GPC6: variants seen among roughly 807,000 people sequenced by gnomAD.
GPC6 encodes glypican 6, also known as glypican-6.
In GPC6, 14 loss-of-function variants were observed where a neutral mutation model predicts 55.2. The observed-to-expected ratio is 0.25, with a 90% CI of 0.17 to 0.40. The LOEUF (loss-of-function observed/expected upper bound fraction) is 0.40, where lower values mean the gene tolerates loss of function less well. Ranked by LOEUF, GPC6 falls within the 10% of genes least tolerant of loss-of-function variation. The pLI is 1.00. For missense variants in GPC6, 641 were observed against 708.5 expected (o/e 0.90, Z 1.08); for synonymous variants, 278 against 259.6 (o/e 1.07, Z -0.68).
intron 6 of GPC6, among the ~76,000 whole-genome samples, chr13:94,380,648 G>A (rs751295907): frequency 1.1e-4 from 16 of 152,078 alleles, no homozygotes; most frequent in Non-Finnish European, 1.6e-4. Context: ...ATCCTCTAGC[G>A]TGTGTCTCCC....
intron 1 of GPC6, among the ~76,000 whole-genome samples, chr13:93,340,932 A>G (rs1220000742): frequency 6.6e-6 from 1 of 151,784 alleles, no homozygotes; most frequent in Non-Finnish European, 1.5e-5. Flanking sequence ...TTATCTCTCA[A>G]CCCCCTTCCA....
chr13:94,247,204 A>T (rs1891222744), intron 4 of GPC6, among the ~76,000 whole-genome samples: 1 of 152,114 alleles, frequency 6.6e-6, no homozygotes, highest in Non-Finnish European at 1.5e-5. Context: ...TTTAAATCTT[A>T]CAACTTGACT....
At chr13:93,323,282 A>G (rs777727600) in intron 1 of GPC6, among the ~76,000 whole-genome samples, 22 of 152,210 alleles carry the variant, frequency 1.4e-4, no homozygotes, top group Non-Finnish European at 2.6e-4. Context: ...CATTGATGAC[A>G]CATTATATGT....
At chr13:93,620,401 T>A (rs1430597334) in intron 2 of GPC6, among the ~76,000 whole-genome samples, 1 of 152,184 alleles carries the variant, frequency 6.6e-6, no homozygotes, top group African/African-American at 2.4e-5. Context: ...TTTACTATGT[T>A]AGTTATATTG....
At chr13:93,406,311 AC>A (rs1876288788) in intron 1 of GPC6, among the ~76,000 whole-genome samples, 1 of 152,134 alleles carries the variant, frequency 6.6e-6, no homozygotes, top group African/African-American at 2.4e-5. Flanking sequence ...CCAGGCAGCC[AC>A]CACAAATCAG....
At chr13:93,942,764 G>A (rs779891759) in intron 3 of GPC6, among the ~76,000 whole-genome samples, 1 of 151,904 alleles carries the variant, frequency 6.6e-6, no homozygotes, top group Non-Finnish European at 1.5e-5. Flanking sequence ...AGCTCTTTAG[G>A]GATCTACATA....
intron 4 of GPC6, among the ~76,000 whole-genome samples, chr13:94,160,163 G>A (rs1040350049): frequency 6.6e-6 from 1 of 152,092 alleles, no homozygotes; most frequent in African/African-American, 2.4e-5. Context: ...GAAGTATATT[G>A]TTATAATTGT....
intron 4 of GPC6, among the ~76,000 whole-genome samples, chr13:94,035,477 G>A (rs930208310): frequency 2.6e-5 from 4 of 151,984 alleles, no homozygotes; most frequent in East Asian, 1.9e-4. Flanking sequence ...TAACTGGATC[G>A]TTAAAGAAAA....
At chr13:93,286,424 C>T in intron 1 of GPC6, among the ~76,000 whole-genome samples, 1 of 152,076 alleles carries the variant, frequency 6.6e-6, no homozygotes, top group East Asian at 1.9e-4. Context: ...AGAAGCAGTC[C>T]CAATGTAATT....
chr13:93,898,282 C>T (rs762551535), intron 3 of GPC6, among the ~76,000 whole-genome samples: 18 of 152,216 alleles, frequency 1.2e-4, no homozygotes, highest in Admixed American at 5.2e-4. Context: ...GCAATAAATA[C>T]GGCATTGAGG....
At chr13:93,310,402 C>G (rs1395284116) in intron 1 of GPC6, among the ~76,000 whole-genome samples, 1 of 152,176 alleles carries the variant, frequency 6.6e-6, no homozygotes, top group Non-Finnish European at 1.5e-5. Flanking sequence ...TCTGCCAGGT[C>G]CATCTCCGTG....
At chr13:93,965,601 C>T (rs1364248253) in intron 3 of GPC6, among the ~76,000 whole-genome samples, 1 of 152,048 alleles carries the variant, frequency 6.6e-6, no homozygotes, top group African/African-American at 2.4e-5. Flanking sequence ...CTGTCTCACC[C>T]TCTTAAAACT....
intron 6 of GPC6, among the ~76,000 whole-genome samples, chr13:94,317,429 G>C (rs139922466): frequency 6.6e-6 from 1 of 152,248 alleles, no homozygotes; most frequent in Non-Finnish European, 1.5e-5. Context: ...GCGTCCAGAA[G>C]AGCTCTGAGA....
chr13:94,300,363 T>A (rs999298650), intron 5 of GPC6, among the ~76,000 whole-genome samples: 1 of 152,230 alleles, frequency 6.6e-6, no homozygotes, highest in Non-Finnish European at 1.5e-5. Flanking sequence ...TAAGATGCCC[T>A]AATATTTTTA....
intron 1 of GPC6, among the ~76,000 whole-genome samples, chr13:93,511,784 G>T (rs1880988205): frequency 6.6e-6 from 1 of 152,006 alleles, no homozygotes; most frequent in African/African-American, 2.4e-5. Flanking sequence ...TAATGATATT[G>T]ATTCTTCCCA....
At chr13:93,560,672 T>G (rs577463320) in intron 2 of GPC6, among the ~76,000 whole-genome samples, 2 of 150,920 alleles carry the variant, frequency 1.3e-5, no homozygotes, top group African/African-American at 2.4e-5. Context: ...TGGCTAACAC[T>G]GTGAAACCGC....
intron 4 of GPC6, among the ~76,000 whole-genome samples, chr13:94,263,322 ATTTG>A (rs1175401723): frequency 2.0e-5 from 3 of 152,192 alleles, no homozygotes; most frequent in African/African-American, 4.8e-5. Context: ...AGTACTGTAC[ATTTG>A]TTTAACACCT....
chr13:93,724,829 T>C (rs1883576048), intron 2 of GPC6, among the ~76,000 whole-genome samples: 1 of 152,054 alleles, frequency 6.6e-6, no homozygotes, highest in African/African-American at 2.4e-5. Flanking sequence ...CTTGATTTCA[T>C]AGCAGTATGA....
intron 4 of GPC6, among the ~76,000 whole-genome samples, chr13:94,106,498 C>T (rs1886059492): frequency 6.6e-6 from 1 of 151,408 alleles, no homozygotes; most frequent in Non-Finnish European, 1.5e-5. Flanking sequence ...ACCCTGTTTC[C>T]ATATTAAGAA....
Sources: allele counts gnomAD v4.1 joint callset (sites outside exome capture counted in the v4.1 genomes callset), GRCh38; gene constraint gnomAD v4.1.1; transcripts MANE v1.5; gene names NCBI Gene and HGNC (gene_info 2026-07-23, HGNC 2026-07-21).